The following SMAD3 variants were observed in gnomAD, a reference collection of about 807,000 sequenced individuals.
The protein encoded by SMAD3 is MAD homolog 3.
In SMAD3, 12 loss-of-function variants were observed where a neutral mutation model predicts 51.8. That is an observed-to-expected ratio of 0.23 (90% CI 0.15 to 0.38). The LOEUF (loss-of-function observed/expected upper bound fraction) is 0.38. Ranked by LOEUF, SMAD3 falls within the 10% of genes least tolerant of loss-of-function variation. The pLI, the probability that SMAD3 is intolerant of heterozygous loss-of-function variation, is 1.00. For synonymous variants in SMAD3, 238 were observed against 227.7 expected, an observed-to-expected ratio of 1.05 and a Z score of -0.41; for missense variants, 294 against 565.6, an observed-to-expected ratio of 0.52 and a Z score of 4.87.
At chr15:67,103,085 CT>C (rs1555407565) in intron 1 of SMAD3, among the ~76,000 whole-genome samples, 1 of 152,056 alleles carries the variant, frequency 6.6e-6, no homozygotes, top group Non-Finnish European at 1.5e-5. Context: ...TAATTTGGCT[CT>C]TTTCTGTGAA....
At chr15:67,135,005 C>A (rs1223790715) in intron 1 of SMAD3, among the ~76,000 whole-genome samples, 1 of 152,086 alleles carries the variant, frequency 6.6e-6, no homozygotes, top group South Asian at 2.1e-4. Context: ...GGAGATGTAC[C>A]CAGGGGGTCC....
chr15:67,156,063 A>G (rs1478387685), intron 1 of SMAD3, among the ~76,000 whole-genome samples: 1 of 152,096 alleles, frequency 6.6e-6, no homozygotes, highest in East Asian at 1.9e-4. Flanking sequence ...TCAAAGGGAA[A>G]GAGATGGGGA....
chr15:67,091,386 T>C (rs944199674), intron 1 of SMAD3, among the ~76,000 whole-genome samples: 7 of 152,174 alleles, frequency 4.6e-5, no homozygotes, highest in African/African-American at 1.4e-4. Context: ...CCTTCCGCAG[T>C]GGCTAAGGAT....
chr15:67,095,011 T>C (rs780610949), intron 1 of SMAD3, among the ~76,000 whole-genome samples: 15 of 152,214 alleles, frequency 9.9e-5, no homozygotes, highest in Admixed American at 2.6e-4. Flanking sequence ...AAATGTTACC[T>C]GTCTGTTAGG....
chr15:67,099,058 T>C, intron 1 of SMAD3: 1 of 505,996 alleles, frequency 2.0e-6, no homozygotes, highest in Non-Finnish European at 3.4e-6. Flanking sequence ...TTTCTGTGGT[T>C]GCCGCCCTGT....
rs397702867 is a variant in SMAD3 at position 67,075,914 on chromosome 15, C to CAA, written c.206+9567_206+9568dup. 3.0e-3 allele frequency among the ~76,000 whole-genome samples: 418 copies of CAA among 140,094 alleles called. 2 individuals are homozygous for CAA. The highest frequency in any genetic ancestry group is 7.4e-3 in the African/African-American group (276 of 37,330). The allele number at this position is 140,094 out of a possible 152,430, so 91.9% of individuals were successfully genotyped here. ...TGGGCAACAGAGTGAGACTCTGTCT[C>CAA]AAAAAAAAAAAAAATCAACGCAAGT... is the stretch of plus-strand genomic sequence containing the variant. On this transcript the variant is annotated intron_variant, in intron 1 of 8. Coordinates refer to ENST00000327367, the MANE Select transcript of SMAD3 (RefSeq NM_005902.4).
At chr15:67,156,990 C>T (rs182184650) in intron 1 of SMAD3, among the ~76,000 whole-genome samples, 46 of 152,310 alleles carry the variant, frequency 3.0e-4, no homozygotes, top group African/African-American at 1.1e-3. Context: ...AGTGGCAGAG[C>T]CACAGAGCAA....
At chr15:67,163,986 C>T (rs1283650026) in intron 1 of SMAD3, among the ~76,000 whole-genome samples, 2 of 145,654 alleles carry the variant, frequency 1.4e-5, no homozygotes, top group African/African-American at 5.1e-5. Flanking sequence ...TAATTTCCGT[C>T]TTTCACTCCC....
At chr15:67,164,764 T>A in intron 1 of SMAD3, 131 bp from the exon 2 acceptor site, 2 of 982,432 alleles carry the variant, frequency 2.0e-6, no homozygotes, top group South Asian at 1.3e-5. Flanking sequence ...TCTGATCTCC[T>A]GGACCTCTGG....
rs554118413 is a variant in SMAD3, at chr15:67,176,690, G to T, written c.659-4551G>T. Among the ~76,000 whole-genome samples the T allele has an allele frequency of 1.1e-4, 16 of 152,288 alleles. 1 individual carries two copies. Among genetic ancestry groups the T allele is most frequent in the African/African-American group, 3.9e-4 (16 of 41,554 alleles). On this transcript the variant is annotated intron_variant, in intron 5 of 8. Transcript: ENST00000327367. The stretch of plus-strand genomic sequence containing the variant: ...CCAGCTTGGAACAGGACTGAAAACT[G>T]AGGCCAGCCAATGCGTTAGGCTGGC...
chr15:67,077,666 A>G (rs1960200237), intron 1 of SMAD3, among the ~76,000 whole-genome samples: 1 of 152,224 alleles, frequency 6.6e-6, no homozygotes, highest in Non-Finnish European at 1.5e-5. Flanking sequence ...TTCTGGAGGT[A>G]TCAGAAGGCT....
intron 1 of SMAD3, among the ~76,000 whole-genome samples, chr15:67,118,598 T>C (rs910750743): frequency 8.5e-5 from 13 of 152,224 alleles, no homozygotes; most frequent in South Asian, 8.3e-4. Context: ...TTAGAAAAAA[T>C]GCCTTTCTCT....
intron 1 of SMAD3, among the ~76,000 whole-genome samples, chr15:67,151,627 A>G (rs180831393): frequency 6.6e-6 from 1 of 152,290 alleles, no homozygotes; most frequent in Admixed American, 6.5e-5. Context: ...CATTGCACCC[A>G]GGCTATTTTC....
chr15:67,183,031 A>ATATATATAT (rs1156620400), intron 6 of SMAD3, among the ~76,000 whole-genome samples: 2 of 29,702 alleles, frequency 6.7e-5, no homozygotes, highest in African/African-American at 3.3e-4. Flanking sequence ...ATATATATAT[A>ATATATATAT]TTTTTTTTTT....
chr15:67,149,984 C>G (rs1020558606), intron 1 of SMAD3, among the ~76,000 whole-genome samples: 3 of 152,150 alleles, frequency 2.0e-5, no homozygotes, highest in Non-Finnish European at 4.4e-5. Context: ...CCATTCATAC[C>G]CAACAGTGGC....
chr15:67,157,117 C>T (rs1201414002), intron 1 of SMAD3, among the ~76,000 whole-genome samples: 1 of 151,868 alleles, frequency 6.6e-6, no homozygotes, highest in Non-Finnish European at 1.5e-5. Context: ...TATTACTACT[C>T]AATGGGCAAG....
chr15:67,188,565 G>C (rs1046182127), intron 8 of SMAD3, among the ~76,000 whole-genome samples: 1 of 152,218 alleles, frequency 6.6e-6, no homozygotes, highest in African/African-American at 2.4e-5. Flanking sequence ...ACGGACCAAA[G>C]TTTGCGGAGA....
chr15:67,187,347 T>C lies in SMAD3; in HGVS notation c.1010-18T>C, dbSNP rs1963247903. On this transcript the variant is annotated intron_variant, in intron 7 of 8. Transcript: ENST00000327367. ...GGCCACTTCCATCCCCACAGCCCTG[T>C]TTCTGTGTTTTTGGCAGGATGCAAC... 4 of 1,614,062 alleles carry C rather than the reference T, an allele frequency of 2.5e-6. No homozygotes were observed. The highest frequency in any genetic ancestry group is 2.5e-6 in the Non-Finnish European group (3 of 1,179,988).
chr15:67,163,122 C>T (rs967464438), intron 1 of SMAD3, among the ~76,000 whole-genome samples: 8 of 152,136 alleles, frequency 5.3e-5, no homozygotes, highest in African/African-American at 1.2e-4. Context: ...TACAGGCGCC[C>T]GCCACCATGC....
Sources: gnomAD v4.1 joint callset for allele counts (sites outside exome capture counted in the v4.1 genomes callset) on GRCh38, gnomAD v4.1.1 for gene constraint, MANE v1.5 for transcripts, NCBI Gene and HGNC (gene_info 2026-07-23, HGNC 2026-07-21) for gene names.